ZNF143: variants seen among roughly 807,000 people sequenced by gnomAD.
The protein encoded by ZNF143 is zinc finger protein 143.
ZNF143 carries 49 observed loss-of-function variants against 74.1 expected under a neutral mutation model. The ratio of observed to expected loss-of-function variants is 0.66; its 90% CI spans 0.53 to 0.84. ZNF143 has a LOEUF of 0.84. Among genes scored for constraint, ZNF143 ranks in the 40% least tolerant of loss-of-function variants. ZNF143 has a pLI of 0.00. For synonymous variants in ZNF143, 304 were observed against 282.8 expected, an observed-to-expected ratio of 1.07 and a Z score of -0.75; for missense variants, 637 against 793.4, an observed-to-expected ratio of 0.80 and a Z score of 2.37.
intron 15 of ZNF143, among the ~76,000 whole-genome samples, chr11:9,526,035 G>T (rs539363584): frequency 2.6e-5 from 4 of 152,110 alleles, no homozygotes; most frequent in African/African-American, 9.6e-5. Flanking sequence ...CCAGCTACTT[G>T]GGGGGTGCTG....
At chr11:9,484,160 C>T (rs1268205177) in intron 7 of ZNF143, among the ~76,000 whole-genome samples, 3 of 151,228 alleles carry the variant, frequency 2.0e-5, no homozygotes, top group Non-Finnish European at 2.9e-5. Flanking sequence ...GATTAATTAC[C>T]GTATTTAAGG....
intron 1 of ZNF143, among the ~76,000 whole-genome samples, chr11:9,469,004 C>T (rs975916905): frequency 4.6e-5 from 7 of 151,304 alleles, no homozygotes; most frequent in African/African-American, 1.7e-4. Flanking sequence ...TGTGGTGGCA[C>T]GTACCTGTAA....
intron 9 of ZNF143, among the ~76,000 whole-genome samples, chr11:9,497,308 G>A (rs909675769): frequency 6.6e-6 from 1 of 152,108 alleles, no homozygotes; most frequent in Admixed American, 6.6e-5. Context: ...TCGGCTCCCT[G>A]CAACCTCTGC....
rs540865723 is a variant in ZNF143, at chr11:9,517,773, C to G, written c.1686+1411C>G. Among the ~76,000 whole-genome samples, 6 of 152,292 alleles carry G rather than the reference C, an allele frequency of 3.9e-5. No individual in the cohort carries two copies. The South Asian group carries it at 1.0e-3, about 26-fold the overall frequency. Reference sequence around the variant, plus strand: ...CTCATACACCCTGAAATGCAAAACTCAGAATCATAAAGCCTCTAGAAGACA... The same window carrying G: ...CTCATACACCCTGAAATGCAAAACTGAGAATCATAAAGCCTCTAGAAGACA... On this transcript the variant is annotated intron_variant, in intron 14 of 15. Transcript: ENST00000396602.
At chr11:9,525,628 A>G (rs1437528313) in intron 15 of ZNF143, 2 of 527,096 alleles carry the variant, frequency 3.8e-6, no homozygotes, top group East Asian at 7.1e-5. Flanking sequence ...CTTCAGGTAT[A>G]TATCCCTGTG....
intron 11 of ZNF143, among the ~76,000 whole-genome samples, 196 bp downstream of exon 11, chr11:9,501,466 C>T (rs1565052129): frequency 2.6e-5 from 4 of 152,190 alleles, no homozygotes; most frequent in Admixed American, 2.6e-4. Flanking sequence ...TTGAGTATCT[C>T]CTGCCAGGCA....
intron 2 of ZNF143, among the ~76,000 whole-genome samples, chr11:9,471,665 G>T (rs1856579319): frequency 6.6e-6 from 1 of 150,520 alleles, no homozygotes. Flanking sequence ...TGATTCTCCT[G>T]CCTCAGCCTC....
intron 1 of ZNF143, among the ~76,000 whole-genome samples, chr11:9,463,303 A>G (rs1263507421): frequency 6.6e-6 from 1 of 152,198 alleles, no homozygotes; most frequent in Non-Finnish European, 1.5e-5. Context: ...ATACCTAGGA[A>G]TAGAATTGCT....
intron 12 of ZNF143, among the ~76,000 whole-genome samples, chr11:9,511,892 C>T (rs1848563151): frequency 6.6e-6 from 1 of 151,668 alleles, no homozygotes; most frequent in South Asian, 2.1e-4. Context: ...GCTGGGACTA[C>T]AGGCGCCCGC....
At chr11:9,508,262 CATTT>C (rs1222154200) in intron 11 of ZNF143, among the ~76,000 whole-genome samples, 1 of 152,142 alleles carries the variant, frequency 6.6e-6, no homozygotes, top group Non-Finnish European at 1.5e-5. Flanking sequence ...ACGATAATAG[CATTT>C]ATTATTATTA....
chr11:9,499,125 C>A (rs1350704696), intron 10 of ZNF143, among the ~76,000 whole-genome samples: 1 of 152,110 alleles, frequency 6.6e-6, no homozygotes, highest in Non-Finnish European at 1.5e-5. Context: ...TCATAGTATT[C>A]ATTTGTCAAA....
chr11:9,524,744 T>C (rs1042715694), intron 14 of ZNF143, among the ~76,000 whole-genome samples: 1 of 152,114 alleles, frequency 6.6e-6, no homozygotes, highest in East Asian at 1.9e-4. Context: ...AAATGGGAAA[T>C]GAGTATGAGA....
At chr11:9,466,270 A>G (rs1445657620) in intron 1 of ZNF143, among the ~76,000 whole-genome samples, 2 of 150,246 alleles carry the variant, frequency 1.3e-5, no homozygotes, top group Non-Finnish European at 3.0e-5. Context: ...GACGTGAGCC[A>G]CCATGCGCAG....
intron 14 of ZNF143, among the ~76,000 whole-genome samples, chr11:9,518,863 T>G (rs1848815282): frequency 1.3e-5 from 2 of 151,962 alleles, no homozygotes; most frequent in South Asian, 4.1e-4. Flanking sequence ...TCTAAAAGCT[T>G]TCTTTTTCAC....
chr11:9,464,933 T>A (rs536318254), intron 1 of ZNF143, among the ~76,000 whole-genome samples: 49 of 151,680 alleles, frequency 3.2e-4, no homozygotes, highest in Non-Finnish European at 4.7e-4. Context: ...AAAAAAAAAA[T>A]AATAATAATG....
chr11:9,473,745 A>G (rs1856721243), intron 3 of ZNF143, 196 bp from the exon 4 acceptor site: 2 of 1,512,684 alleles, frequency 1.3e-6, no homozygotes, highest in Non-Finnish European at 1.8e-6. Flanking sequence ...GGGAGGAAGG[A>G]TGGCTGAGGG....
intron 1 of ZNF143, among the ~76,000 whole-genome samples, chr11:9,464,209 G>C (rs1856052004): frequency 6.6e-6 from 1 of 151,954 alleles, no homozygotes; most frequent in Admixed American, 6.6e-5. Flanking sequence ...TCAGCTCACT[G>C]CAGCCTCAAC....
intron 10 of ZNF143, 66 bp from the exon 11 acceptor site, chr11:9,501,025 G>T: frequency 6.3e-7 from 1 of 1,579,036 alleles, no homozygotes; most frequent in Non-Finnish European, 8.7e-7. Context: ...CAGGATTGAA[G>T]GATAAGACAT....
chr11:9,512,566 T>G lies in ZNF143; in HGVS notation c.1494T>G (p.Val498=). Residue 498 remains valine, a synonymous_variant, in exon 13 of 16, where the codon GTT becomes GTG. Coordinates refer to ENST00000396602, the MANE Select transcript of ZNF143 (RefSeq NM_003442.6). The part of the protein sequence containing the change: ...TVTQSGLSQQ[V]TLISQDGTQH... ...CCCAATCTGGACTGAGTCAACAAGT[T>G]ACACTCATATCCCAGGATGGGACTC... 1 of 1,614,218 alleles carries G rather than the reference T, an allele frequency of 6.2e-7. No homozygotes were observed. The highest frequency in any genetic ancestry group is 8.5e-7 in the Non-Finnish European group (1 of 1,180,040).
Sources: gnomAD v4.1 joint callset for allele counts (sites outside exome capture counted in the v4.1 genomes callset) on GRCh38, gnomAD v4.1.1 for gene constraint, MANE v1.5 for transcripts, NCBI Gene and HGNC (gene_info 2026-07-23, HGNC 2026-07-21) for gene names.